Variants in CSMD2 observed in about 807,000 individuals in gnomAD.
CSMD2 encodes CUB and Sushi multiple domains 2.
In CSMD2, 130 loss-of-function variants were observed where a neutral mutation model predicts 398.5. The observed-to-expected ratio is 0.33, with a 90% CI of 0.28 to 0.38. The LOEUF is 0.38. CSMD2 is among the 10% of genes least tolerant of loss of function. The probability of loss-of-function intolerance (pLI) is 1.00; values close to 1 mark genes in which losing one functional copy is unlikely to be tolerated. For missense variants in CSMD2, 3,829 were observed against 4,764.9 expected (o/e 0.80, Z 5.78); for synonymous variants, 1,828 against 1,908.5 (o/e 0.96, Z 1.10).
chr1:33,586,261 A>C (rs904893647), intron 46 of CSMD2, among the ~76,000 whole-genome samples: 1 of 152,220 alleles, frequency 6.6e-6, no homozygotes, highest in African/African-American at 2.4e-5. Flanking sequence ...GATGAAAATA[A>C]ATGTGGCCAC....
intron 2 of CSMD2, among the ~76,000 whole-genome samples, chr1:34,076,928 A>AAAAAAAAAATATATATAT (rs1232288848): frequency 1.9e-5 from 1 of 53,600 alleles, no homozygotes; most frequent in African/African-American, 8.6e-5. Flanking sequence ...AAAAAAAAAA[A>AAAAAAAAAATATATATAT]ATATATATAT....
intron 2 of CSMD2, among the ~76,000 whole-genome samples, chr1:34,069,880 T>G (rs1164804375): frequency 6.6e-6 from 1 of 152,098 alleles, no homozygotes; most frequent in Non-Finnish European, 1.5e-5. Flanking sequence ...CAACAAACAT[T>G]TGTGCAATTT....
chr1:33,564,001 A>T lies in CSMD2; in HGVS notation c.8380+3592T>A, dbSNP rs367645984. On this transcript the variant is annotated intron_variant, in intron 53 of 70. Coordinates refer to ENST00000373381, the MANE Select transcript of CSMD2 (RefSeq NM_001281956.2). ...TTCCCAAACCTCTGTGCTCCAAGAGAGAATGGGCCTTAGTGTAAGAGATCC... is the reference window on the plus strand; with the variant it reads ...TTCCCAAACCTCTGTGCTCCAAGAGTGAATGGGCCTTAGTGTAAGAGATCC... 4.6e-5 allele frequency among the ~76,000 whole-genome samples: 7 copies of T among 151,960 alleles called. No individual in the cohort carries two copies. The East Asian group carries it at 1.3e-3, about 29-fold the overall frequency.
At chr1:33,605,930 C>T in intron 41 of CSMD2, 1 of 1,613,838 alleles carries the variant, frequency 6.2e-7, no homozygotes, top group Non-Finnish European at 8.5e-7. Flanking sequence ...TGGTTCTTTC[C>T]AACTCCGAGA....
intron 10 of CSMD2, among the ~76,000 whole-genome samples, chr1:33,799,638 G>A (rs563706576): frequency 6.6e-6 from 1 of 152,330 alleles, no homozygotes. Flanking sequence ...ATGGGTTGAG[G>A]AGTCCTCAGA....
rs370615023 is a variant in CSMD2, at chr1:33,600,992, T to C, written c.6729A>G (p.Thr2243=). Residue 2243 remains threonine (T), a synonymous_variant, in exon 44 of 71, where the codon ACA becomes ACG. Coordinates refer to ENST00000373381, the MANE Select transcript of CSMD2 (RefSeq NM_001281956.2). ...GGGTGAAGACGCCGAGCCGTGGTGC[T>C]GTTTGCTGTGGCCCATCCCTGTACA... ...FITIWDGPQQ[T]APRLGVFTRS... The C allele has an allele frequency of 7.4e-6, 12 of 1,614,104 alleles. No homozygotes were observed. The African/African-American group carries it at 1.3e-4, about 18-fold the overall frequency.
intron 44 of CSMD2, among the ~76,000 whole-genome samples, chr1:33,588,790 C>G (rs1233502018): frequency 6.6e-6 from 1 of 152,072 alleles, no homozygotes; most frequent in East Asian, 1.9e-4. Context: ...GAAGGTCTAG[C>G]TATGAAAGAC....
intron 56 of CSMD2, among the ~76,000 whole-genome samples, chr1:33,546,508 G>C (rs1656910217): frequency 6.6e-6 from 1 of 152,168 alleles, no homozygotes; most frequent in Admixed American, 6.5e-5. Flanking sequence ...ATCCAAACTG[G>C]CCACAGGTCC....
intron 5 of CSMD2, chr1:33,861,150 T>C (rs577551835): frequency 1.3e-5 from 2 of 152,290 alleles, no homozygotes; most frequent in Non-Finnish European, 2.9e-5. Flanking sequence ...TATATAAATA[T>C]TAAGTATGTA....
intron 9 of CSMD2, among the ~76,000 whole-genome samples, chr1:33,819,190 C>G (rs570934206): frequency 5.1e-4 from 78 of 152,206 alleles, no homozygotes; most frequent in African/African-American, 1.9e-3. Flanking sequence ...TCATGTGACA[C>G]CTGGGGATGT....
At chr1:34,142,858 T>C (rs1482814060) in intron 1 of CSMD2, among the ~76,000 whole-genome samples, 1 of 152,214 alleles carries the variant, frequency 6.6e-6, no homozygotes, top group African/African-American at 2.4e-5. Flanking sequence ...AGGGACTCCA[T>C]ACATGAAGAT....
rs1229532723 is a variant in CSMD2, at chr1:33,992,738, G to A, written c.517+39856C>T. Among the ~76,000 whole-genome samples the A allele has an allele frequency of 1.6e-4, 25 of 151,758 alleles. 1 individual carries two copies. The highest frequency in any genetic ancestry group is 1.0e-3 in the South Asian group (5 of 4,776). On this transcript the variant is annotated intron_variant, in intron 3 of 70. Coordinates refer to ENST00000373381, the MANE Select transcript of CSMD2 (RefSeq NM_001281956.2). ...AAATAAAAAAAAAAATTAGCCGGGC[G>A]TGGTGGTGGGCGCCTGTGGTTCTGG...
chr1:33,526,367 AG>A (rs1654774601), intron 65 of CSMD2, among the ~76,000 whole-genome samples: 1 of 152,220 alleles, frequency 6.6e-6, no homozygotes, highest in African/African-American at 2.4e-5. Flanking sequence ...CATGTGCAAA[AG>A]CCTTGACTTT....
intron 54 of CSMD2, 51 bp from the exon 55 acceptor site, chr1:33,557,973 T>C: frequency 6.7e-7 from 1 of 1,488,156 alleles, no homozygotes; most frequent in Non-Finnish European, 9.0e-7. Context: ...TATAGTAAAA[T>C]CTTCCGAGCA....
chr1:33,760,239 G>A (rs913877307), intron 13 of CSMD2, among the ~76,000 whole-genome samples: 2 of 152,152 alleles, frequency 1.3e-5, no homozygotes, highest in Non-Finnish European at 2.9e-5. Context: ...CGGCCTTTAG[G>A]CCCTCTTCAT....
intron 5 of CSMD2, among the ~76,000 whole-genome samples, chr1:33,916,063 C>T (rs1325560513): frequency 6.6e-6 from 1 of 152,140 alleles, no homozygotes; most frequent in East Asian, 1.9e-4. Flanking sequence ...AGCTTATAAC[C>T]TGTCTGGCAC....
At chr1:33,806,225 C>G (rs1291760586) in intron 10 of CSMD2, among the ~76,000 whole-genome samples, 1 of 152,204 alleles carries the variant, frequency 6.6e-6, no homozygotes, top group Non-Finnish European at 1.5e-5. Context: ...CTGGGAGGAT[C>G]TGGAGGCTGA....
rs1642034047 is a variant in CSMD2 at position 33,625,176 on chromosome 1, G to A, written c.5375C>T (p.Ser1792Leu). 13 of 1,614,036 alleles carry A rather than the reference G, an allele frequency of 8.1e-6. No homozygotes were observed. The highest frequency in any genetic ancestry group is 1.6e-4 in the Middle Eastern group (1 of 6,062). Residue 1792 changes from serine (S) to leucine (L), a missense_variant, in exon 34 of 71, where the codon TCG (serine) becomes TTG (leucine). Around this residue, in one of 5 missense-constraint regions of CSMD2, gnomAD observed 2,001 missense variants for 2,567.1 expected, o/e 0.78. Coordinates refer to ENST00000373381, the MANE Select transcript of CSMD2 (RefSeq NM_001281956.2). The part of the protein sequence containing the change: ...RYGKRLGSDF[S>L]VGAIVRFECN... ...TTCGAAGCGGACGATGGCCCCCACC[G>A]AGAAGTCACTGCCCAGCCTCTTGCC...
rs141475511 is a variant in CSMD2 at position 33,636,454 on chromosome 1, G to C, written c.4875C>G (p.His1625Gln). ...KLGSSVTYYC[H>Q]GGYEVEGTST... is the part of the protein sequence containing the mutation. Reference sequence around the variant, plus strand: ...AGGTGCCCTCAACTTCGTAGCCCCCGTGGCAGTAGTAGGTGACGGAGGAGC... The same window carrying C: ...AGGTGCCCTCAACTTCGTAGCCCCCCTGGCAGTAGTAGGTGACGGAGGAGC... The change falls in exon 30 of 71, where the codon CAC becomes CAG. Residue 1625 changes from histidine (H) to glutamine (Q), a missense_variant. His to Gln is a conservative substitution (Grantham distance 24). This residue lies in a region of CSMD2 where 2,001 missense variants were observed against 2,567.1 expected (regional missense o/e 0.78). Coordinates refer to ENST00000373381, the MANE Select transcript of CSMD2 (RefSeq NM_001281956.2). The surrounding 1 kb of genome is among the most constrained non-coding windows in gnomAD (Gnocchi z 4.8). The C allele has an allele frequency of 5.0e-6, 8 of 1,614,162 alleles. No individual in the cohort carries two copies. Among genetic ancestry groups the C allele is most frequent in the Admixed American group, 1.7e-5 (1 of 60,034 alleles).
Sources: gnomAD v4.1 joint callset for allele counts (sites outside exome capture counted in the v4.1 genomes callset) on GRCh38, gnomAD v4.1.1 for gene constraint, gnomAD v4.1.1 regional missense constraint, Gnocchi (gnomAD v3.1) non-coding constraint, MANE v1.5 for transcripts, NCBI Gene and HGNC (gene_info 2026-07-23, HGNC 2026-07-21) for gene names.